The following RYR3 variants were observed in gnomAD, a reference collection of about 807,000 sequenced individuals.
RYR3 encodes the protein ryanodine receptor 3.
A neutral mutation model predicts 584.3 loss-of-function variants in RYR3; 207 were observed. That is an observed-to-expected ratio of 0.35 (90% CI 0.32 to 0.40). The LOEUF (loss-of-function observed/expected upper bound fraction) is 0.40, where lower values mean the gene tolerates loss of function less well. Ranked by LOEUF, RYR3 falls within the 10% of genes least tolerant of loss-of-function variation. The pLI, the probability that RYR3 is intolerant of heterozygous loss-of-function variation, is 1.00. For missense variants in RYR3, 5,616 were observed against 6,089.2 expected, an observed-to-expected ratio of 0.92 and a Z score of 2.59; for synonymous variants, 2,416 against 2,248.5, an observed-to-expected ratio of 1.07 and a Z score of -2.11.
chr15:33,582,758 G>C (rs2058658843), intron 14 of RYR3, among the ~76,000 whole-genome samples: 1 of 151,734 alleles, frequency 6.6e-6, no homozygotes, highest in Non-Finnish European at 1.5e-5. Context: ...TGCTGCAACT[G>C]ATCTGAAAAG....
At chr15:33,475,103 A>T (rs181064610) in intron 2 of RYR3, among the ~76,000 whole-genome samples, 3 of 152,084 alleles carry the variant, frequency 2.0e-5, no homozygotes, top group Non-Finnish European at 4.4e-5. Flanking sequence ...GATAATAGGG[A>T]GGTCATTAGA....
rs201137197 is a variant in RYR3, at chr15:33,785,993, C to T, written c.9589+11C>T. On this transcript the variant is annotated intron_variant, in intron 66 of 103. Transcript: ENST00000634891. ...TGAAGCGCATTGCAGGTACCGACCC[C>T]TTTCTCCCCAGTCCCCAGCCCAGGG... is the stretch of plus-strand genomic sequence containing the variant. 9.0e-5 allele frequency: 139 copies of T among 1,536,490 alleles called. No individual in the cohort carries two copies. In the South Asian group the frequency reaches 9.3e-4, roughly 10 times the overall value.
At chr15:33,606,242 A>G (rs2059896732) in intron 18 of RYR3, among the ~76,000 whole-genome samples, 1 of 152,220 alleles carries the variant, frequency 6.6e-6, no homozygotes, top group African/African-American at 2.4e-5. Flanking sequence ...GATTCTTATG[A>G]AATTTAAATA....
intron 1 of RYR3, among the ~76,000 whole-genome samples, chr15:33,457,374 T>A (rs1208925250): frequency 1.3e-5 from 2 of 152,138 alleles, no homozygotes; most frequent in African/African-American, 4.8e-5. Context: ...TAGATGAAGA[T>A]AATGTAATGT....
chr15:33,647,452 A>G lies in RYR3; in HGVS notation c.3970A>G (p.Thr1324Ala), dbSNP rs759430054. ...ACAGATGCAAGAAATACTCTCTCAT[A>G]CAACAACAGTAAGTAAATGTGCTCA... ...RKQMQEILSH[T>A]TTQCYYAIRI... The change falls in exon 30 of 104, where the codon ACA becomes GCA. Residue 1324 changes from threonine (T) to alanine (A), a missense_variant. Thr to Ala is a moderately conservative substitution (Grantham distance 58). Around this residue, in one of 9 missense-constraint regions of RYR3, gnomAD observed 753 missense variants for 741.0 expected, o/e 1.02. Transcript: ENST00000634891. 4 of 1,604,738 alleles carry G rather than the reference A, an allele frequency of 2.5e-6. No homozygotes were observed. Among genetic ancestry groups the G allele is most frequent in the South Asian group, 2.2e-5 (2 of 90,774 alleles).
intron 10 of RYR3, among the ~76,000 whole-genome samples, chr15:33,557,977 C>T (rs118091258): frequency 0.022 from 3,398 of 152,264 alleles, 50 homozygotes; most frequent in Non-Finnish European, 0.035. Context: ...TGCAGATAAA[C>T]AGATACAGAT....
At position 33,853,680 on chromosome 15, in the gene RYR3, A is replaced by G. The variant is rs2079340299; in HGVS notation, c.13797A>G (p.Ser4599=). 3.1e-6 allele frequency: 5 copies of G among 1,613,106 alleles called. No homozygotes were observed. The South Asian group carries it at 3.3e-5, about 11-fold the overall frequency. Residue 4599 remains serine, a splice_region_variant and synonymous_variant, in exon 96 of 104, where the codon TCA becomes TCG. Coordinates refer to ENST00000634891, the MANE Select transcript of RYR3 (RefSeq NM_001036.6). ...AAGCAGAAGCGGCTTCTCTGGTGTC[A>G]TGGTACAAAAAGCTTAGGAGTTCAA... is the stretch of plus-strand genomic sequence containing the variant. ...ETKAEAASLV[S]WLSSIDMKYH...
intron 60 of RYR3, among the ~76,000 whole-genome samples, chr15:33,759,259 T>C (rs1176109772): frequency 6.6e-6 from 1 of 152,082 alleles, no homozygotes; most frequent in Admixed American, 6.5e-5. Context: ...TCACAACCCC[T>C]CACCAGCAAG....
At chr15:33,392,199 C>CAA (rs5811756) in intron 1 of RYR3, among the ~76,000 whole-genome samples, 7 of 138,314 alleles carry the variant, frequency 5.1e-5, no homozygotes, top group East Asian at 2.2e-4. Flanking sequence ...GGTAAGCCCT[C>CAA]AAAAAAAAAA....
At position 33,646,654 on chromosome 15, in the gene RYR3, A is replaced by G. The variant is rs914602851; in HGVS notation, c.3941+128A>G. ...GTTCTCTCTGCTTTCAGTCAGGTAA[A>G]AAAGAAAATGAGAATGTATGTGCAC... On this transcript the variant is annotated intron_variant, in intron 29 of 103. Transcript: ENST00000634891. The G allele has an allele frequency of 2.7e-5, 23 of 853,468 alleles. No homozygotes were observed. In the African/African-American group the frequency reaches 2.9e-4, roughly 11 times the overall value. The allele number at this position is 853,468 out of a possible 1,614,324, so 52.9% of individuals were successfully genotyped here. A position where few individuals can be genotyped will look rare whatever the true frequency, so the allele number is the denominator to read the frequency against.
intron 1 of RYR3, among the ~76,000 whole-genome samples, chr15:33,441,871 C>T (rs2046257307): frequency 6.6e-6 from 1 of 152,088 alleles, no homozygotes; most frequent in South Asian, 2.1e-4. Context: ...GAATTATTTC[C>T]TTGAGAGTAG....
chr15:33,547,512 A>ACTATCTT (rs1380100818), intron 8 of RYR3, among the ~76,000 whole-genome samples: 3 of 152,222 alleles, frequency 2.0e-5, no homozygotes, highest in African/African-American at 7.2e-5. Context: ...AACTCTCTGG[A>ACTATCTT]CTATCTTTAG....
intron 82 of RYR3, chr15:33,825,934 A>G: frequency 4.0e-6 from 2 of 494,938 alleles, no homozygotes; most frequent in African/African-American, 1.9e-5. Flanking sequence ...GCATTTCATC[A>G]TGTTGGCCAG....
At chr15:33,671,791 C>T (rs1040053715) in intron 38 of RYR3, among the ~76,000 whole-genome samples, 1 of 148,236 alleles carries the variant, frequency 6.7e-6, no homozygotes, top group Non-Finnish European at 1.5e-5. Context: ...TTGCTTCTTT[C>T]CCACCTTCTT....
intron 1 of RYR3, among the ~76,000 whole-genome samples, chr15:33,457,942 T>A (rs1018726458): frequency 6.6e-6 from 1 of 152,076 alleles, no homozygotes; most frequent in Admixed American, 6.6e-5. Flanking sequence ...TGGGAGTGGA[T>A]TGGGGAAAGG....
chr15:33,773,465 T>C (rs2073763176), intron 63 of RYR3, 69 bp from the exon 64 acceptor site: 2 of 1,119,570 alleles, frequency 1.8e-6, no homozygotes, highest in East Asian at 2.5e-5. Context: ...GCATTTTTTT[T>C]TTCCTCTTCA....
intron 1 of RYR3, among the ~76,000 whole-genome samples, chr15:33,444,390 T>G (rs973030000): frequency 6.6e-6 from 1 of 152,176 alleles, no homozygotes; most frequent in African/African-American, 2.4e-5. Context: ...AATAGGAAAA[T>G]GTAAGTGCCT....
At chr15:33,416,523 C>T (rs1023219958) in intron 1 of RYR3, among the ~76,000 whole-genome samples, 19 of 152,032 alleles carry the variant, frequency 1.2e-4, no homozygotes, top group African/African-American at 4.6e-4. Flanking sequence ...CCTTCGCTTA[C>T]TTTTTAATGG....
Position 33,725,976 on chromosome 15 carries a change from C to CGCCAAAAAAAAA in RYR3, c.6913-410_6913-409insGCCAAAAAAAAA, listed in dbSNP as rs1555427643. Among the ~76,000 whole-genome samples, 6 of 31,516 alleles carry CGCCAAAAAAAAA rather than the reference C, an allele frequency of 1.9e-4. 2 individuals are homozygous for CGCCAAAAAAAAA. Among genetic ancestry groups the CGCCAAAAAAAAA allele is most frequent in the Non-Finnish European group, 1.8e-4 (3 of 16,876 alleles). 20.7% of individuals were successfully genotyped at this position (31,516 alleles called of 152,430 possible). A position where few individuals can be genotyped will look rare whatever the true frequency, so the allele number is the denominator to read the frequency against. ...CAGAGCAAGACTCCATCCCCCCCCC[C>CGCCAAAAAAAAA]AAAAAAAAAAAAAAAAAAAAACAGA... is the stretch of plus-strand genomic sequence containing the variant. On this transcript the variant is annotated intron_variant, in intron 45 of 103. Transcript: ENST00000634891.
Sources: allele counts gnomAD v4.1 joint callset (sites outside exome capture counted in the v4.1 genomes callset), GRCh38; gene constraint gnomAD v4.1.1; regional missense constraint gnomAD v4.1.1; transcripts MANE v1.5; gene names NCBI Gene and HGNC (gene_info 2026-07-23, HGNC 2026-07-21).